RAD50: variants seen among roughly 807,000 people sequenced by gnomAD.
RAD50 encodes the protein DNA repair protein RAD50.
Under a neutral mutation model 168.8 loss-of-function variants are expected in RAD50, and 132 were observed. The ratio of observed to expected loss-of-function variants is 0.78; its 90% CI spans 0.68 to 0.90. RAD50 has a LOEUF of 0.90. Ranked by LOEUF, RAD50 falls within the 40% of genes least tolerant of loss-of-function variation. RAD50 has a pLI of 0.00. For missense variants in RAD50, 1,347 were observed against 1,534.4 expected (o/e 0.88, Z 2.04); for synonymous variants, 525 against 497.4 (o/e 1.06, Z -0.74).
At chr5:132,600,093 A>G (rs1411202239) in intron 13 of RAD50, 1 of 152,202 alleles carries the variant, frequency 6.6e-6, no homozygotes, top group African/African-American at 2.4e-5. Flanking sequence ...CTATCATGAG[A>G]ACTGTCTATT....
intron 21 of RAD50, 23 bp from the exon 22 acceptor site, chr5:132,637,092 G>T (rs966506720): frequency 1.3e-6 from 2 of 1,588,514 alleles, no homozygotes; most frequent in East Asian, 2.3e-5. Context: ...TATATATGAA[G>T]TACCAATGAC....
intron 22 of RAD50, among the ~76,000 whole-genome samples, chr5:132,637,572 C>T (rs953700430): frequency 1.3e-5 from 2 of 151,124 alleles, no homozygotes; most frequent in Admixed American, 6.6e-5. Context: ...CTCTGTCACC[C>T]GGGCTGGAGC....
At chr5:132,583,547 C>T (rs1352363276) in intron 5 of RAD50, among the ~76,000 whole-genome samples, 2 of 152,124 alleles carry the variant, frequency 1.3e-5, no homozygotes, top group East Asian at 3.8e-4. Context: ...CTCCCCTGCT[C>T]CCATCCATAG....
At chr5:132,622,414 C>T (rs1048974428) in intron 21 of RAD50, among the ~76,000 whole-genome samples, 1 of 152,198 alleles carries the variant, frequency 6.6e-6, no homozygotes, top group South Asian at 2.1e-4. Flanking sequence ...CTGCCTAGGT[C>T]TCCCAAAATG....
intron 21 of RAD50, among the ~76,000 whole-genome samples, chr5:132,634,392 A>G (rs1454441689): frequency 6.6e-6 from 1 of 151,850 alleles, no homozygotes; most frequent in African/African-American, 2.4e-5. Flanking sequence ...TAGATAATAA[A>G]ACTTCATTTT....
chr5:132,618,371 T>G, intron 21 of RAD50, 77 bp downstream of exon 21: 1 of 1,552,734 alleles, frequency 6.4e-7, no homozygotes, highest in Non-Finnish European at 8.7e-7. Flanking sequence ...CTCTCATTTT[T>G]TTCTTTTTTT....
intron 5 of RAD50, among the ~76,000 whole-genome samples, chr5:132,580,374 A>C (rs17166052): frequency 0.01 from 1,525 of 152,274 alleles, 27 homozygotes; most frequent in African/African-American, 0.035. Context: ...TTCTTGAATT[A>C]TCAGGGAGCT....
intron 21 of RAD50, among the ~76,000 whole-genome samples, chr5:132,619,107 GA>G (rs1376962894): frequency 6.6e-6 from 1 of 152,150 alleles, no homozygotes; most frequent in Non-Finnish European, 1.5e-5. Flanking sequence ...TCTACTATGG[GA>G]ATAGACCACA....
chr5:132,617,618 T>C (rs76021950), intron 20 of RAD50, among the ~76,000 whole-genome samples: 72 of 152,148 alleles, frequency 4.7e-4, no homozygotes, highest in African/African-American at 1.6e-3. Context: ...TAATAAGTAT[T>C]ACTGCAGAAA....
rs140807306 is a variant in RAD50, at chr5:132,579,672, C to T, written c.551+170C>T. ...ATTTTCTTTCACTTGTCTTTCTGTG[C>T]GTATATTTATTTACCTGATTGACAG... On this transcript the variant is annotated intron_variant, in intron 4 of 24. Transcript: ENST00000378823. 3.5e-4 allele frequency: 290 copies of T among 831,556 alleles called. 1 individual carries two copies. The highest frequency in any genetic ancestry group is 3.2e-3 in the Middle Eastern group (9 of 2,790). The allele number at this position is 831,556 out of a possible 1,614,324, so 51.5% of individuals were successfully genotyped here. A position where few individuals can be genotyped will look rare whatever the true frequency, so the allele number is the denominator to read the frequency against.
intron 21 of RAD50, among the ~76,000 whole-genome samples, chr5:132,619,595 G>T (rs897668180): frequency 1.3e-5 from 2 of 151,802 alleles, no homozygotes; most frequent in Non-Finnish European, 2.9e-5. Flanking sequence ...ATTTAAATGT[G>T]TTCTTTATCT....
chr5:132,574,980 T>C (rs1750367938), intron 2 of RAD50, among the ~76,000 whole-genome samples: 1 of 152,154 alleles, frequency 6.6e-6, no homozygotes, highest in African/African-American at 2.4e-5. Flanking sequence ...GTTCCAAACT[T>C]TCCCATATTT....
At chr5:132,594,089 CT>C (rs1226139251) in intron 11 of RAD50, among the ~76,000 whole-genome samples, 2 of 152,240 alleles carry the variant, frequency 1.3e-5, no homozygotes, top group East Asian at 3.9e-4. Flanking sequence ...ATATTAGTTA[CT>C]TTTTTCCAAA....
At chr5:132,558,245 T>C (rs1189623401) in intron 1 of RAD50, among the ~76,000 whole-genome samples, 3 of 152,246 alleles carry the variant, frequency 2.0e-5, no homozygotes, top group Non-Finnish European at 4.4e-5. Context: ...GCTTGTTATG[T>C]ACTTAGGATT....
At chr5:132,580,269 A>G (rs570568680) in intron 5 of RAD50, among the ~76,000 whole-genome samples, 3 of 152,282 alleles carry the variant, frequency 2.0e-5, no homozygotes, top group South Asian at 4.1e-4. Flanking sequence ...AGTGATGTAC[A>G]GTAGTTAATT....
Position 132,604,876 on chromosome 5 carries a change from TACA to T in RAD50, c.2600_2602del (p.Thr867del), listed in dbSNP as rs766427240. ...AGGAACAGATTCAACATCTAAAAAG[TACA>T]ACAAATGAGCTAAAATCTGAGAAAC... is the stretch of plus-strand genomic sequence containing the variant. On this transcript the variant is annotated inframe_deletion, in exon 16 of 25. Coordinates refer to ENST00000378823, the MANE Select transcript of RAD50 (RefSeq NM_005732.4). 6.2e-7 allele frequency: 1 copy of T among 1,613,732 alleles called. No individual in the cohort carries two copies. The highest frequency in any genetic ancestry group is 2.2e-5 in the East Asian group (1 of 44,874).
chr5:132,610,865 A>AT (rs1751071826), intron 19 of RAD50, among the ~76,000 whole-genome samples: 1 of 152,224 alleles, frequency 6.6e-6, no homozygotes, highest in African/African-American at 2.4e-5. Context: ...CCCCTTTTAA[A>AT]GTGATGGTCT....
At chr5:132,625,117 C>T (rs977403878) in intron 21 of RAD50, among the ~76,000 whole-genome samples, 4 of 148,886 alleles carry the variant, frequency 2.7e-5, no homozygotes, top group East Asian at 3.9e-4. Flanking sequence ...GACGGAGTCT[C>T]GCTCTGTCGC....
chr5:132,577,130 T>C (rs964704959), intron 3 of RAD50, among the ~76,000 whole-genome samples: 1 of 152,220 alleles, frequency 6.6e-6, no homozygotes, highest in African/African-American at 2.4e-5. Context: ...TTCTGGAGGC[T>C]CTAAGGGAGA....
Sources: allele counts gnomAD v4.1 joint callset (sites outside exome capture counted in the v4.1 genomes callset), GRCh38; gene constraint gnomAD v4.1.1; transcripts MANE v1.5; gene names NCBI Gene and HGNC (gene_info 2026-07-23, HGNC 2026-07-21).